The following VPS37B variants were observed in gnomAD, a reference collection of about 807,000 sequenced individuals.
VPS37B encodes VPS37B subunit of ESCRT-I, also known as vacuolar protein sorting-associated protein 37B.
Under a neutral mutation model 21.2 loss-of-function variants are expected in VPS37B, and 11 were observed. The observed-to-expected ratio is 0.52, with a 90% confidence interval of 0.33 to 0.86. The LOEUF is 0.86. VPS37B is among the 40% of genes least tolerant of loss of function. The pLI is 0.03. For synonymous variants in VPS37B, 175 were observed against 159.6 expected (o/e 1.10, Z -0.73); for missense variants, 389 against 374.8 (o/e 1.04, Z -0.31).
intron 1 of VPS37B, chr12:122,887,894 G>A (rs1364777192): frequency 1.3e-5 from 2 of 152,066 alleles, no homozygotes; most frequent in Non-Finnish European, 2.9e-5. Flanking sequence ...TTTTAGACAG[G>A]GTCTCACTAT....
chr12:122,893,940 G>C (rs376980007), intron 1 of VPS37B, among the ~76,000 whole-genome samples: 4 of 152,062 alleles, frequency 2.6e-5, no homozygotes, highest in African/African-American at 9.6e-5. Flanking sequence ...CAGCCTCCAA[G>C]TGAACAGAAT....
chr12:122,872,182 C>T, intron 1 of VPS37B: 1 of 985,538 alleles, frequency 1.0e-6, no homozygotes, highest in South Asian at 4.7e-5. Flanking sequence ...TGATTGCTGT[C>T]ATAGTTCCTG....
At chr12:122,889,917 G>T (rs186831294) in intron 1 of VPS37B, 3 of 152,302 alleles carry the variant, frequency 2.0e-5, no homozygotes, top group African/African-American at 7.2e-5. Flanking sequence ...GAACTCGCTC[G>T]TCGGACAACC....
chr12:122,887,271 G>A (rs1194948277), intron 1 of VPS37B: 2 of 152,034 alleles, frequency 1.3e-5, no homozygotes, highest in Non-Finnish European at 2.9e-5. Flanking sequence ...CTGCCAAAAC[G>A]ATCTACATAA....
At chr12:122,890,291 G>C (rs907021569) in intron 1 of VPS37B, 1 of 151,432 alleles carries the variant, frequency 6.6e-6, no homozygotes, top group African/African-American at 2.4e-5. Flanking sequence ...TGTAGCCAGA[G>C]AGCTTTTTCA....
chr12:122,884,902 G>A (rs556566229), intron 1 of VPS37B: 1 of 152,252 alleles, frequency 6.6e-6, no homozygotes, highest in Admixed American at 6.5e-5. Context: ...CTATCCAGGT[G>A]GACCCTGGAT....
chr12:122,880,867 G>A (rs2034238290), intron 1 of VPS37B: 1 of 152,172 alleles, frequency 6.6e-6, no homozygotes, highest in Non-Finnish European at 1.5e-5. Flanking sequence ...CATCATCACA[G>A]GGAGTCTGGC....
rs184352202 is a variant in VPS37B, at chr12:122,894,953, T to C, written c.111+999A>G. 7.8e-4 allele frequency among the ~76,000 whole-genome samples: 119 copies of C among 152,160 alleles called. 1 individual carries two copies. Among genetic ancestry groups the C allele is most frequent in the African/African-American group, 2.7e-3 (114 of 41,516 alleles). On this transcript the variant is annotated intron_variant, in intron 1 of 3. Coordinates refer to ENST00000267202, the MANE Select transcript of VPS37B (RefSeq NM_024667.3). ...GTCCCAGACACGTGGGACGCAGTGG[T>C]ACAAAGCCAGCCACACTAAATTTCC...
At chr12:122,895,819 G>T in intron 1 of VPS37B, 133 bp downstream of exon 1, 2 of 695,770 alleles carry the variant, frequency 2.9e-6, no homozygotes, top group Non-Finnish European at 4.7e-6. Flanking sequence ...CCCGCCCCAA[G>T]CGCCCCCATT....
chr12:122,883,053 C>G (rs970787014), intron 1 of VPS37B: 6 of 152,174 alleles, frequency 3.9e-5, no homozygotes, highest in Admixed American at 2.0e-4. Flanking sequence ...TAAAATACGA[C>G]AATCCTGGGG....
rs2033934917 is a variant in VPS37B, at chr12:122,867,674, G to A, written c.367-67C>T. Reference sequence around the variant, plus strand: ...GGAGGATGCTCCCTTCGTGGTCTAGGCACAAGGAGAGGCAACGCCCAGCTG... The same window carrying A: ...GGAGGATGCTCCCTTCGTGGTCTAGACACAAGGAGAGGCAACGCCCAGCTG... On this transcript the variant is annotated intron_variant, in intron 3 of 3. Transcript: ENST00000267202. The surrounding 1 kb of genome is among the most constrained non-coding windows in gnomAD (Gnocchi z 5.5). The A allele has an allele frequency of 1.9e-6, 3 of 1,595,770 alleles. No homozygotes were observed. The Admixed American group carries it at 5.1e-5, about 27-fold the overall frequency.
chr12:122,895,912 G>C, intron 1 of VPS37B, 40 bp downstream of exon 1: 4 of 1,584,196 alleles, frequency 2.5e-6, no homozygotes, highest in South Asian at 2.2e-5. Flanking sequence ...AACCCCGCTC[G>C]AGGCCTCACA....
At chr12:122,889,974 C>T (rs1204335141) in intron 1 of VPS37B, 1 of 152,218 alleles carries the variant, frequency 6.6e-6, no homozygotes, top group African/African-American at 2.4e-5. Flanking sequence ...CCTCCTGAGC[C>T]CCCATTTTTG....
chr12:122,877,245 T>C (rs759893693), intron 1 of VPS37B: 1 of 152,210 alleles, frequency 6.6e-6, no homozygotes, highest in Non-Finnish European at 1.5e-5. Context: ...CTTTAAATGC[T>C]CAAAATCCAG....
intron 1 of VPS37B, chr12:122,871,857 A>C: frequency 1.0e-6 from 1 of 985,322 alleles, no homozygotes; most frequent in Non-Finnish European, 1.2e-6. Context: ...TTTAAATAAA[A>C]AACACAAACG....
At chr12:122,886,513 T>C (rs2034332160) in intron 1 of VPS37B, 1 of 152,170 alleles carries the variant, frequency 6.6e-6, no homozygotes, top group Admixed American at 6.5e-5. Context: ...TCCCAGCTAC[T>C]CAGGAGGCTC....
rs2033926922 is a variant in VPS37B at position 122,867,396 on chromosome 12, G to A, written c.578C>T (p.Ala193Val). 1 of 1,574,132 alleles carries A rather than the reference G, an allele frequency of 6.4e-7. No individual in the cohort carries two copies. Among genetic ancestry groups the A allele is most frequent in the Admixed American group, 1.7e-5 (1 of 58,808 alleles). ...LAPTAPLPYP[A>V]PEASGPPAVA... ...GGCAGGAGGCCCACTGGCCTCTGGG[G>A]CAGGGTAGGGAAGGGGGGCGGTAGG... is the stretch of plus-strand genomic sequence containing the variant. Residue 193 changes from alanine to valine, a missense_variant, in exon 4 of 4, where the codon GCC (alanine) becomes GTC (valine). Transcript: ENST00000267202. This position sits in a 1 kb window ranked among gnomAD's most constrained non-coding sequence, Gnocchi z 5.5.
intron 1 of VPS37B, chr12:122,888,991 C>A: frequency 5.6e-6 from 1 of 177,848 alleles, no homozygotes; most frequent in Non-Finnish European, 1.2e-5. Context: ...CCCCTCCCCT[C>A]CCCGCTCACC....
chr12:122,882,546 C>A (rs147113856), intron 1 of VPS37B: 1 of 152,138 alleles, frequency 6.6e-6, no homozygotes, highest in African/African-American at 2.4e-5. Context: ...TATTCTACTA[C>A]TAGAAATATT....
Sources: allele counts gnomAD v4.1 joint callset (sites outside exome capture counted in the v4.1 genomes callset), GRCh38; gene constraint gnomAD v4.1.1; non-coding constraint Gnocchi (gnomAD v3.1); transcripts MANE v1.5; gene names NCBI Gene and HGNC (gene_info 2026-07-23, HGNC 2026-07-21).